Variants in NCKAP5L observed in about 807,000 individuals in gnomAD.
The protein encoded by NCKAP5L is nck-associated protein 5-like.
Under a neutral mutation model 103.2 loss-of-function variants are expected in NCKAP5L, and 54 were observed. The ratio of observed to expected loss-of-function variants is 0.52; its 90% confidence interval spans 0.42 to 0.66. The LOEUF is 0.66. NCKAP5L is among the 30% of genes least tolerant of loss of function. NCKAP5L has a pLI of 0.00. For synonymous variants in NCKAP5L, 762 were observed against 748.6 expected, an observed-to-expected ratio of 1.02 and a Z score of -0.29; for missense variants, 1,733 against 1,750.6, an observed-to-expected ratio of 0.99 and a Z score of 0.18.
intron 1 of NCKAP5L, among the ~76,000 whole-genome samples, chr12:49,824,287 G>C (rs1592764725): frequency 6.6e-6 from 1 of 152,230 alleles, no homozygotes; most frequent in East Asian, 1.9e-4. Flanking sequence ...GTAAGTGAGT[G>C]CTCAGCCCTC....
chr12:49,803,821 C>T lies in NCKAP5L; in HGVS notation c.123+101G>A, dbSNP rs149294558. Reference sequence around the variant, plus strand: ...GGCAAAGCAGGCCGAGAGGAAGGCCCATGGCACCCAAAAACCTGCAGGAAG... The same window carrying T: ...GGCAAAGCAGGCCGAGAGGAAGGCCTATGGCACCCAAAAACCTGCAGGAAG... On this transcript the variant is annotated intron_variant, in intron 3 of 12. Coordinates refer to ENST00000335999, the MANE Select transcript of NCKAP5L (RefSeq NM_001037806.4). The T allele has an allele frequency of 3.6e-4, 526 of 1,460,884 alleles. 2 individuals carry two copies. In the African/African-American group the frequency reaches 6.5e-3, roughly 18 times the overall value. The allele number at this position is 1,460,884 out of a possible 1,614,324, so 90.5% of individuals were successfully genotyped here.
In NCKAP5L at chr12:49,795,945, C is replaced by T; in HGVS notation, c.1915G>A (p.Gly639Ser). Residue 639 changes from glycine to serine, a missense_variant, in exon 8 of 13, where the codon GGC becomes AGC. Physicochemically the swap from Gly to Ser is moderately conservative, Grantham distance 56. Transcript: ENST00000335999. ...ESPHPGRRTP[G>S]NSSKKPSQGS... ...TGGCTGGGCTTCTTGGATGAGTTGC[C>T]TGGGGTCCTGCGGCCGGGATGGGGA... The T allele has an allele frequency of 6.5e-7, 1 of 1,529,740 alleles. No homozygotes were observed. The highest frequency in any genetic ancestry group is 8.7e-7 in the Non-Finnish European group (1 of 1,145,424). 94.8% of individuals were successfully genotyped at this position (1,529,740 alleles called of 1,614,324 possible).
At chr12:49,824,436 C>T (rs919093457) in intron 1 of NCKAP5L, among the ~76,000 whole-genome samples, 3 of 152,220 alleles carry the variant, frequency 2.0e-5, no homozygotes, top group African/African-American at 7.2e-5. Context: ...CTCTGAAGCC[C>T]CCTTGCATCC....
Position 49,791,936 on chromosome 12 carries a change from C to A in NCKAP5L, c.3908G>T (p.Gly1303Val), listed in dbSNP as rs1463970476. 8 of 1,612,436 alleles carry A rather than the reference C, an allele frequency of 5.0e-6. No individual in the cohort carries two copies. Among genetic ancestry groups the A allele is most frequent in the Non-Finnish European group, 6.8e-6 (8 of 1,179,508 alleles). The change falls in exon 13 of 13, where the codon GGC becomes GTC. Residue 1303 changes from glycine to valine, a missense_variant. Physicochemically the swap from Gly to Val is moderately radical, Grantham distance 109. Transcript: ENST00000335999. Reference sequence around the variant, plus strand: ...TGGGGGGCCCCCGCTGGCCACTCTGCCTTCCTCGGCCATGTCCGAAGTGCT... The same window carrying A: ...TGGGGGGCCCCCGCTGGCCACTCTGACTTCCTCGGCCATGTCCGAAGTGCT... The part of the protein sequence containing the change: ...TPSTSDMAEE[G>V]RVASGGPPGL...
intron 1 of NCKAP5L, among the ~76,000 whole-genome samples, chr12:49,817,743 G>T (rs1946314624): frequency 6.6e-6 from 1 of 152,150 alleles, no homozygotes; most frequent in Non-Finnish European, 1.5e-5. Context: ...AGTAATTAGT[G>T]TTGAGAAAAC....
chr12:49,794,085 A>G (rs1490530067), intron 8 of NCKAP5L, among the ~76,000 whole-genome samples, 189 bp from the exon 9 acceptor site: 1 of 152,164 alleles, frequency 6.6e-6, no homozygotes, highest in East Asian at 1.9e-4. Flanking sequence ...ACCTTAGGGA[A>G]CCCCAGAGGA....
intron 9 of NCKAP5L, 113 bp from the exon 10 acceptor site, chr12:49,793,546 G>T: frequency 7.8e-7 from 1 of 1,280,062 alleles, no homozygotes. Flanking sequence ...GAGGATTAGG[G>T]CCCAGGAGTA....
At position 49,797,787 on chromosome 12, in the gene NCKAP5L, A is replaced by T. The variant is rs546533354; in HGVS notation, c.466-393T>A. Among the ~76,000 whole-genome samples the T allele has an allele frequency of 2.6e-5, 4 of 152,088 alleles. No homozygotes were observed. In the South Asian group the frequency reaches 8.3e-4, roughly 32 times the overall value. ...AAAGAACACACAGACTCCAGAAGGGAGTGTGATGTGGCCAAGTCCTAAGTC... is the reference window on the plus strand; with the variant it reads ...AAAGAACACACAGACTCCAGAAGGGTGTGTGATGTGGCCAAGTCCTAAGTC... On this transcript the variant is annotated intron_variant, in intron 7 of 12. Coordinates refer to ENST00000335999, the MANE Select transcript of NCKAP5L (RefSeq NM_001037806.4). The surrounding 1 kb of genome is among the most constrained non-coding windows in gnomAD (Gnocchi z 4.5).
In NCKAP5L at chr12:49,803,992, C is replaced by A; in HGVS notation, c.53G>T (p.Gly18Val). The A allele has an allele frequency of 6.2e-7, 1 of 1,612,558 alleles. No individual in the cohort carries two copies. Among genetic ancestry groups the A allele is most frequent in the South Asian group, 1.1e-5 (1 of 91,082 alleles). ...PAGGPGNPRPGEGDDGSMEPG... is the reference protein window; with the variant it reads ...PAGGPGNPRPVEGDDGSMEPG... ...CTCCATGCTGCCATCATCACCCTCT[C>A]CTGGCCTTGGGTTTCCAGGACCCCC... The change falls in exon 3 of 13, where the codon GGA becomes GTA. Residue 18 changes from glycine to valine, a missense_variant. Coordinates refer to ENST00000335999, the MANE Select transcript of NCKAP5L (RefSeq NM_001037806.4).
Position 49,792,228 on chromosome 12 carries a change from A to G in NCKAP5L, c.3793-177T>C. Reference sequence around the variant, plus strand: ...GAGGTACAACTGAGAACAGTCCTACAAGGTTCTGGGGAGGGACAGAAACCT... The same window carrying G: ...GAGGTACAACTGAGAACAGTCCTACGAGGTTCTGGGGAGGGACAGAAACCT... On this transcript the variant is annotated intron_variant, in intron 12 of 12. Transcript: ENST00000335999. This position sits in a 1 kb window ranked among gnomAD's most constrained non-coding sequence, Gnocchi z 4.5. The G allele has an allele frequency of 3.6e-6, 4 of 1,115,746 alleles. No individual in the cohort carries two copies. Among genetic ancestry groups the G allele is most frequent in the Non-Finnish European group, 3.9e-6 (3 of 766,188 alleles). 69.1% of individuals were successfully genotyped at this position (1,115,746 alleles called of 1,614,324 possible).
At chr12:49,822,288 T>G (rs868562867) in intron 1 of NCKAP5L, among the ~76,000 whole-genome samples, 3 of 152,146 alleles carry the variant, frequency 2.0e-5, no homozygotes, top group Non-Finnish European at 4.4e-5. Context: ...GTTTATGGTA[T>G]GTTGTTATAG....
chr12:49,803,772 G>T (rs1592753389), intron 3 of NCKAP5L, 150 bp downstream of exon 3: 2 of 1,075,876 alleles, frequency 1.9e-6, no homozygotes, highest in Non-Finnish European at 2.6e-6. Context: ...CTTTGCAAAA[G>T]AATGTTCTGC....
intron 1 of NCKAP5L, among the ~76,000 whole-genome samples, chr12:49,828,006 C>T (rs977886956): frequency 3.3e-5 from 5 of 152,138 alleles, no homozygotes; most frequent in Non-Finnish European, 4.4e-5. Context: ...GGGAGGGGAG[C>T]CCGGCCCCCG....
chr12:49,791,722 C>T lies in NCKAP5L; in HGVS notation c.*117G>A. 1 of 854,256 alleles carries T rather than the reference C, an allele frequency of 1.2e-6. No individual in the cohort carries two copies. The highest frequency in any genetic ancestry group is 1.7e-6 in the Non-Finnish European group (1 of 572,844). The allele number at this position is 854,256 out of a possible 1,614,324, so 52.9% of individuals were successfully genotyped here. A position where few individuals can be genotyped will look rare whatever the true frequency, so the allele number is the denominator to read the frequency against. Reference sequence around the variant, plus strand: ...GGGACCCCCTTTTCACCTTCTTATCCACCTGCCTCCTTGGTCCCTTCAGGG... The same window carrying T: ...GGGACCCCCTTTTCACCTTCTTATCTACCTGCCTCCTTGGTCCCTTCAGGG... On this transcript the variant is annotated 3_prime_UTR_variant, in exon 13 of 13. Coordinates refer to ENST00000335999, the MANE Select transcript of NCKAP5L (RefSeq NM_001037806.4).
At chr12:49,794,639 C>G (rs1946001201) in intron 8 of NCKAP5L, 126 bp downstream of exon 8, 1 of 652,596 alleles carries the variant, frequency 1.5e-6, no homozygotes, top group African/African-American at 2.0e-5. Flanking sequence ...GCCTTCTATC[C>G]CTTTTGACCT....
rs1945934144 is a variant in NCKAP5L, at chr12:49,791,549, G to C, written c.*290C>G. On this transcript the variant is annotated 3_prime_UTR_variant, in exon 13 of 13. Transcript: ENST00000335999. ...GATGGCTCAGCCTGAAGTAGGGACT[G>C]GAGGGCTGCGACACAGTGGCCTTTA... The C allele has an allele frequency of 6.5e-6, 2 of 305,766 alleles. No homozygotes were observed. The highest frequency in any genetic ancestry group is 1.2e-5 in the Non-Finnish European group (2 of 165,994). The allele number at this position is 305,766 out of a possible 1,614,324, so 18.9% of individuals were successfully genotyped here. A position where few individuals can be genotyped will look rare whatever the true frequency, so the allele number is the denominator to read the frequency against.
At chr12:49,810,650 T>C (rs1277019077) in intron 1 of NCKAP5L, among the ~76,000 whole-genome samples, 2 of 152,224 alleles carry the variant, frequency 1.3e-5, no homozygotes, top group Non-Finnish European at 1.5e-5. Context: ...CCGCAAAAGA[T>C]TGAATACCGA....
chr12:49,794,616 A>G (rs1333885289), intron 8 of NCKAP5L, 149 bp downstream of exon 8: 5 of 448,292 alleles, frequency 1.1e-5, no homozygotes, highest in East Asian at 1.1e-4. Flanking sequence ...CCCCCCCACC[A>G]GCTGCTTTGG....
chr12:49,810,062 C>T (rs1237950377), intron 1 of NCKAP5L, among the ~76,000 whole-genome samples: 2 of 151,788 alleles, frequency 1.3e-5, no homozygotes, highest in Non-Finnish European at 2.9e-5. Flanking sequence ...GAAGGGCAGT[C>T]GTGTTATAAG....
Sources: allele counts gnomAD v4.1 joint callset (sites outside exome capture counted in the v4.1 genomes callset), GRCh38; gene constraint gnomAD v4.1.1; non-coding constraint Gnocchi (gnomAD v3.1); transcripts MANE v1.5; gene names NCBI Gene and HGNC (gene_info 2026-07-23, HGNC 2026-07-21).